The following PUS7L variants were observed in gnomAD, a reference collection of about 807,000 sequenced individuals.
PUS7L encodes pseudouridylate synthase PUS7L.
In PUS7L, 49 loss-of-function variants were observed where a neutral mutation model predicts 51.1. The ratio of observed to expected loss-of-function variants is 0.96; its 90% CI spans 0.76 to 1.22. The LOEUF (loss-of-function observed/expected upper bound fraction) is 1.22, where lower values mean the gene tolerates loss of function less well. PUS7L is among the 50% of genes most tolerant of loss of function. The pLI, the probability that PUS7L is intolerant of heterozygous loss-of-function variation, is 0.00. For synonymous variants in PUS7L, 277 were observed against 276.2 expected, an observed-to-expected ratio of 1.00 and a Z score of -0.03; for missense variants, 828 against 820.6, an observed-to-expected ratio of 1.01 and a Z score of -0.11.
chr12:43,732,750 T>A (rs532256348), intron 7 of PUS7L, among the ~76,000 whole-genome samples: 118 of 152,322 alleles, frequency 7.7e-4, no homozygotes, highest in Non-Finnish European at 1.5e-3. Context: ...CCCTCAACTC[T>A]CCCTAGTCTT....
At position 43,729,486 on chromosome 12, in the gene PUS7L, T is replaced by C. The variant is rs537744223; in HGVS notation, c.*890A>G. The C allele has an allele frequency of 1.6e-4, 52 of 328,566 alleles. No homozygotes were observed. The East Asian group carries it at 1.8e-3, about 12-fold the overall frequency. The allele number at this position is 328,566 out of a possible 1,614,324, so 20.4% of individuals were successfully genotyped here. A position where few individuals can be genotyped will look rare whatever the true frequency, so the allele number is the denominator to read the frequency against. On this transcript the variant is annotated 3_prime_UTR_variant, in exon 9 of 9. Transcript: ENST00000344862. ...TTAACTGATATAAAATGGTGAAGGA[T>C]GATTTATAATGTGGGATAGTTAAAC...
chr12:43,746,172 A>G lies in PUS7L; in HGVS notation c.1137T>C (p.Asp379=). The change falls in exon 4 of 9, where the codon GAT becomes GAC. Residue 379 remains aspartate, a synonymous_variant. Coordinates refer to ENST00000344862, the MANE Select transcript of PUS7L (RefSeq NM_031292.5). The part of the protein sequence containing the change: ...RMNVFNIRSV[D]DSLRLGQLKG... ...TGAGCTGACCAAGTCTCAGGGAATC[A>G]TCTACAGACCGAATATTAAAGACAT... The G allele has an allele frequency of 6.6e-7, 1 of 1,526,412 alleles. No homozygotes were observed. Among genetic ancestry groups the G allele is most frequent in the Non-Finnish European group, 9.0e-7 (1 of 1,108,904 alleles). 94.6% of individuals were successfully genotyped at this position (1,526,412 alleles called of 1,614,324 possible). A position where few individuals can be genotyped will look rare whatever the true frequency, so the allele number is the denominator to read the frequency against.
intron 1 of PUS7L, among the ~76,000 whole-genome samples, chr12:43,758,091 GAGTAAC>G (rs1938918031): frequency 6.6e-6 from 1 of 152,226 alleles, no homozygotes; most frequent in South Asian, 2.1e-4. Flanking sequence ...GTATCCGATG[GAGTAAC>G]AGTTAGAGGA....
chr12:43,738,310 C>CAGTTTGA lies in PUS7L; in HGVS notation c.1437_1443dup (p.Glu482SerfsTer3). ...GTACAGGATAAAGAAACGTAAATAC[C>CAGTTTGA]AGTTTGAAGAAAATACTTCTTTGCT... is the stretch of plus-strand genomic sequence containing the variant. On this transcript the variant is annotated frameshift_variant and splice_region_variant, in exon 6 of 9. Coordinates refer to ENST00000344862, the MANE Select transcript of PUS7L (RefSeq NM_031292.5). LOFTEE classifies it high-confidence loss of function. 6.7e-7 allele frequency: 1 copy of CAGTTTGA among 1,498,076 alleles called. No individual in the cohort carries two copies. Among genetic ancestry groups the CAGTTTGA allele is most frequent in the South Asian group, 1.1e-5 (1 of 88,560 alleles). The allele number at this position is 1,498,076 out of a possible 1,614,324, so 92.8% of individuals were successfully genotyped here.
chr12:43,731,742 T>C lies in PUS7L; in HGVS notation c.1742A>G (p.Glu581Gly), dbSNP rs1448437752. 3 of 1,579,870 alleles carry C rather than the reference T, an allele frequency of 1.9e-6. No individual in the cohort carries two copies. Among genetic ancestry groups the C allele is most frequent in the Non-Finnish European group, 2.6e-6 (3 of 1,154,868 alleles). The change falls in exon 8 of 9, where the codon GAA (glutamate) becomes GGA (glycine). Residue 581 changes from glutamate to glycine, a missense_variant. Glu to Gly is a moderately conservative substitution (Grantham distance 98). Transcript: ENST00000344862. ...FPNSKIHLVTEEEGSANMYAI... is the reference protein window; with the variant it reads ...FPNSKIHLVTGEEGSANMYAI... Reference sequence around the variant, plus strand: ...ATACATATTAGCTGATCCCTCCTCTTCAGTTACCAGGTGAATCTAGTTTTA... The same window carrying C: ...ATACATATTAGCTGATCCCTCCTCTCCAGTTACCAGGTGAATCTAGTTTTA...
In PUS7L at chr12:43,731,755, G is replaced by C. The variant is rs780555743; in HGVS notation, c.1729C>G (p.His577Asp). The C allele has an allele frequency of 6.4e-7, 1 of 1,565,718 alleles. No individual in the cohort carries two copies. Among genetic ancestry groups the C allele is most frequent in the Non-Finnish European group, 8.7e-7 (1 of 1,143,738 alleles). The change falls in exon 8 of 9, where the codon CAC becomes GAC. Residue 577 changes from histidine (H) to aspartate (D), a missense_variant. His to Asp is a moderately conservative substitution (Grantham distance 81). Transcript: ENST00000344862. ...GATCCCTCCTCTTCAGTTACCAGGTGAATCTAGTTTTAAAAAACATGAAAA... is the reference window on the plus strand; with the variant it reads ...GATCCCTCCTCTTCAGTTACCAGGTCAATCTAGTTTTAAAAAACATGAAAA... ...DDENFPNSKIHLVTEEEGSAN... is the reference protein window; with the variant it reads ...DDENFPNSKIDLVTEEEGSAN...
chr12:43,758,610 T>G, intron 1 of PUS7L, 120 bp downstream of exon 1: 1 of 976,128 alleles, frequency 1.0e-6, no homozygotes, highest in Non-Finnish European at 1.2e-6. Flanking sequence ...CACGTCACCT[T>G]TCTTTGGGCG....
Position 43,754,857 on chromosome 12 carries a change from T to A in PUS7L, c.389A>T (p.Asp130Val), listed in dbSNP as rs748931151. 6.2e-7 allele frequency: 1 copy of A among 1,613,432 alleles called. No homozygotes were observed. Among genetic ancestry groups the A allele is most frequent in the South Asian group, 1.1e-5 (1 of 91,020 alleles). ...ATTCAGTAACTCATGAGTTTTTTCA[T>A]CCAAAAAGGAGCTTAAAACATCAGC... The part of the protein sequence containing the change: ...EKADVLSSFL[D>V]EKTHELLNNF... Residue 130 changes from aspartate (D) to valine (V), a missense_variant, in exon 2 of 9, where the codon GAT becomes GTT. Coordinates refer to ENST00000344862, the MANE Select transcript of PUS7L (RefSeq NM_031292.5).
At chr12:43,744,026 G>A (rs1203685161) in intron 4 of PUS7L, among the ~76,000 whole-genome samples, 1 of 152,110 alleles carries the variant, frequency 6.6e-6, no homozygotes, top group Non-Finnish European at 1.5e-5. Flanking sequence ...AATGGAAGTT[G>A]GCTAAAACTA....
At chr12:43,749,367 G>A (rs1938333033) in intron 2 of PUS7L, among the ~76,000 whole-genome samples, 1 of 152,116 alleles carries the variant, frequency 6.6e-6, no homozygotes, top group South Asian at 2.1e-4. Context: ...ATCAACCTAC[G>A]TGCCCAACAA....
chr12:43,744,410 A>C (rs1359437452), intron 4 of PUS7L, among the ~76,000 whole-genome samples: 2 of 152,148 alleles, frequency 1.3e-5, no homozygotes, highest in Non-Finnish European at 2.9e-5. Flanking sequence ...TGATGGTTTT[A>C]CAAGTGTCTG....
chr12:43,727,538 T>C lies in PUS7L; in HGVS notation c.*2838A>G, dbSNP rs1944471215. 1 of 152,138 alleles carries C rather than the reference T, an allele frequency of 6.6e-6. No homozygotes were observed. The highest frequency in any genetic ancestry group is 1.9e-4 in the East Asian group (1 of 5,176). The allele number at this position is 152,138 out of a possible 1,614,324, so 9.4% of individuals were successfully genotyped here. A position where few individuals can be genotyped will look rare whatever the true frequency, so the allele number is the denominator to read the frequency against. On this transcript the variant is annotated 3_prime_UTR_variant, in exon 9 of 9. Transcript: ENST00000344862. ...ACAAAATAATGTCTTTCCAGCAACA[T>C]GGATGTAGCTGGAGGCCATTATTGT...
chr12:43,739,625 T>A (rs1937794867), intron 5 of PUS7L: 1 of 152,014 alleles, frequency 6.6e-6, no homozygotes, highest in Admixed American at 6.6e-5. Context: ...GTAGAGACAG[T>A]CTTTACCATA....
At position 43,758,663 on chromosome 12, in the gene PUS7L, C is replaced by G. The variant is rs897275009; in HGVS notation, c.-17+67G>C. 5 of 761,698 alleles carry G rather than the reference C, an allele frequency of 6.6e-6. No individual in the cohort carries two copies. In the Admixed American group the frequency reaches 5.2e-4, roughly 79 times the overall value. 47.2% of individuals were successfully genotyped at this position (761,698 alleles called of 1,614,324 possible). A position where few individuals can be genotyped will look rare whatever the true frequency, so the allele number is the denominator to read the frequency against. ...CAATGCCAACCTCGTCACCCCCCCC[C>G]CCCACACACACACACACACACACAC... On this transcript the variant is annotated intron_variant, in intron 1 of 8. Coordinates refer to ENST00000344862, the MANE Select transcript of PUS7L (RefSeq NM_031292.5).
rs1486494991 is a variant in PUS7L, at chr12:43,755,813, C to G, written c.-16-552G>C. Among the ~76,000 whole-genome samples the G allele has an allele frequency of 2.0e-5, 3 of 152,184 alleles. No homozygotes were observed. In the East Asian group the frequency reaches 5.8e-4, roughly 29 times the overall value. ...ATTTCAAGGTAGGATTAAGTCAGTC[C>G]TGGGCCTTCTCTAATGCCCCCATTA... On this transcript the variant is annotated intron_variant, in intron 1 of 8. Transcript: ENST00000344862.
rs1271921250 is a variant in PUS7L at position 43,725,142 on chromosome 12, T to C, written c.*5234A>G. ...TGAAAGTATATTGAAAAAGAACAAG[T>C]TTCTCACTATGCTTTTTCAATGATA... On this transcript the variant is annotated 3_prime_UTR_variant, in exon 9 of 9. Coordinates refer to ENST00000344862, the MANE Select transcript of PUS7L (RefSeq NM_031292.5). 2.6e-5 allele frequency: 4 copies of C among 152,038 alleles called. No homozygotes were observed. Among genetic ancestry groups the C allele is most frequent in the Non-Finnish European group, 5.9e-5 (4 of 68,006 alleles). The allele number at this position is 152,038 out of a possible 1,614,324, so 9.4% of individuals were successfully genotyped here.
rs953710351 is a variant in PUS7L, at chr12:43,720,947, A to C, written c.*9429T>G. 1 of 152,190 alleles carries C rather than the reference A, an allele frequency of 6.6e-6. No individual in the cohort carries two copies. Among genetic ancestry groups the C allele is most frequent in the African/African-American group, 2.4e-5 (1 of 41,452 alleles). 9.4% of individuals were successfully genotyped at this position (152,190 alleles called of 1,614,324 possible). ...GTGTCCTCATCTATAAAATGAAAAT[A>C]ATAACAGTACTTATCCCACATGTAA... On this transcript the variant is annotated 3_prime_UTR_variant, in exon 9 of 9. Transcript: ENST00000344862.
At chr12:43,744,311 G>A (rs780151370) in intron 4 of PUS7L, among the ~76,000 whole-genome samples, 8 of 152,160 alleles carry the variant, frequency 5.3e-5, no homozygotes, top group African/African-American at 1.4e-4. Flanking sequence ...GGAAGGACCC[G>A]GTGGGAAGTA....
At chr12:43,750,070 C>G (rs1338084983) in intron 2 of PUS7L, among the ~76,000 whole-genome samples, 3 of 152,126 alleles carry the variant, frequency 2.0e-5, no homozygotes, top group African/African-American at 7.2e-5. Flanking sequence ...AAAATGTGTT[C>G]CTTCCATTTA....
Sources: gnomAD v4.1 joint callset for allele counts (sites outside exome capture counted in the v4.1 genomes callset) on GRCh38, gnomAD v4.1.1 for gene constraint, MANE v1.5 for transcripts, NCBI Gene and HGNC (gene_info 2026-07-23, HGNC 2026-07-21) for gene names.